Variants in PES1 observed in about 807,000 individuals in gnomAD.
The protein encoded by PES1 is pescadillo homolog.
PES1 carries 31 observed loss-of-function variants against 77.1 expected under a neutral mutation model. The ratio of observed to expected loss-of-function variants is 0.40; its 90% CI spans 0.30 to 0.54. The LOEUF (loss-of-function observed/expected upper bound fraction) is 0.54, where lower values mean the gene tolerates loss of function less well. PES1 is among the 20% of genes least tolerant of loss of function. PES1 has a pLI of 0.45. For missense variants in PES1, 658 were observed against 771.7 expected (o/e 0.85, Z 1.75); for synonymous variants, 282 against 303.0 (o/e 0.93, Z 0.72).
At chr22:30,598,807 C>G (rs1338080705) in intron 2 of PES1, among the ~76,000 whole-genome samples, 1 of 149,378 alleles carries the variant, frequency 6.7e-6, no homozygotes, top group African/African-American at 2.5e-5. Context: ...CTACATGGTA[C>G]CAAGTTGACT....
chr22:30,587,915 T>C (rs1270298710), intron 3 of PES1, 106 bp downstream of exon 3: 2 of 1,150,750 alleles, frequency 1.7e-6, no homozygotes, highest in Non-Finnish European at 1.3e-6. Flanking sequence ...CTGCCCTCTG[T>C]ATAGGCTTAC....
intron 9 of PES1, 125 bp from the exon 10 acceptor site, chr22:30,580,826 C>CCAAG: frequency 7.0e-7 from 1 of 1,432,868 alleles, no homozygotes; most frequent in Non-Finnish European, 9.6e-7. Context: ...AAAGGAAACT[C>CCAAG]CAAGGCCCCA....
chr22:30,597,790 A>G (rs2087278774), intron 2 of PES1, among the ~76,000 whole-genome samples: 1 of 151,648 alleles, frequency 6.6e-6, no homozygotes, highest in African/African-American at 2.4e-5. Context: ...AATCAGCAGT[A>G]TGTGGGTGGG....
intron 8 of PES1, 37 bp from the exon 9 acceptor site, chr22:30,581,138 CT>C (rs2086979894): frequency 1.3e-6 from 2 of 1,540,572 alleles, no homozygotes; most frequent in Non-Finnish European, 1.8e-6. Context: ...AGTGGGGGAC[CT>C]CATGCGGGCA....
intron 1 of PES1, among the ~76,000 whole-genome samples, chr22:30,591,255 G>C (rs1353939711): frequency 6.6e-6 from 1 of 152,060 alleles, no homozygotes; most frequent in Admixed American, 6.6e-5. Flanking sequence ...TTCTTTTCTT[G>C]GTTTACATGC....
At chr22:30,594,467 C>T (rs544596343), upstream of PES1, among the ~76,000 whole-genome samples, 4 of 152,086 alleles carry the variant, frequency 2.6e-5, no homozygotes, top group African/African-American at 7.2e-5. Context: ...TTGCAATGAG[C>T]CAAAATTGTG....
chr22:30,594,542 G>A (rs996995077), upstream of PES1, among the ~76,000 whole-genome samples: 1 of 151,922 alleles, frequency 6.6e-6, no homozygotes, highest in African/African-American at 2.4e-5. Context: ...AGCTTGGCAC[G>A]GTGCCTCACA....
rs1294567529 is a variant in PES1, at chr22:30,581,339, T to C, written c.817A>G (p.Met273Val). 3 of 1,613,710 alleles carry C rather than the reference T, an allele frequency of 1.9e-6. No homozygotes were observed. Among genetic ancestry groups the C allele is most frequent in the South Asian group, 1.1e-5 (1 of 91,070 alleles). ...ATGCTCCTGGAGCCTCTCACCTCCA[T>C]ACAACTCTCGGAGTCCAACGCGTAG... ...GTYALDSESC[M>V]EKLAALSASL... The change falls in exon 8 of 15, where the codon ATG (methionine) becomes GTG (valine). Residue 273 changes from methionine (M) to valine (V), a missense_variant. By Grantham distance (21) the Met-to-Val change is conservative. Coordinates refer to ENST00000354694, the MANE Select transcript of PES1 (RefSeq NM_014303.4).
chr22:30,601,534 A>C (rs2087354460), intron 2 of PES1, among the ~76,000 whole-genome samples: 1 of 92,774 alleles, frequency 1.1e-5, no homozygotes, highest in Non-Finnish European at 2.3e-5. Flanking sequence ...GCTAGTCTCA[A>C]ACTCTTGCCC....
chr22:30,601,045 C>T (rs2087347370), intron 2 of PES1, among the ~76,000 whole-genome samples: 2 of 152,174 alleles, frequency 1.3e-5, no homozygotes, highest in Non-Finnish European at 2.9e-5. Flanking sequence ...CTCAGTACTC[C>T]AGCTCAAGTG....
Position 30,589,223 on chromosome 22 carries a change from C to T in PES1, c.72G>A (p.Arg24=), listed in dbSNP as rs779736420. The change falls in exon 2 of 15, where the codon CGG becomes CGA. Residue 24 remains arginine, a synonymous_variant. Coordinates refer to ENST00000354694, the MANE Select transcript of PES1 (RefSeq NM_014303.4). ...CAGCCAAGCTCAGCTGGAGCTTCTT[C>T]CGGGCTTTGTTCCGGGTGATGTAGT... The part of the protein sequence containing the change: ...ATNYITRNKA[R]KKLQLSLADF... The T allele has an allele frequency of 1.9e-5, 30 of 1,613,946 alleles. No individual in the cohort carries two copies. Among genetic ancestry groups the T allele is most frequent in the Non-Finnish European group, 2.4e-5 (28 of 1,179,980 alleles).
chr22:30,582,847 G>A (rs1804104085), intron 6 of PES1, among the ~76,000 whole-genome samples: 1 of 152,206 alleles, frequency 6.6e-6, no homozygotes, highest in Admixed American at 6.5e-5. Context: ...GCACTGAGCA[G>A]GGAGACCCCG....
At chr22:30,587,547 G>C in intron 3 of PES1, 152 bp from the exon 4 acceptor site, 1 of 636,492 alleles carries the variant, frequency 1.6e-6, no homozygotes, top group Non-Finnish European at 2.7e-6. Context: ...CTCTGCCCAG[G>C]ATGAGCAAAA....
Position 30,591,899 on chromosome 22 carries a change from C to A in PES1, c.-66G>T. On this transcript the variant is annotated 5_prime_UTR_variant, in exon 1 of 15. Coordinates refer to ENST00000354694, the MANE Select transcript of PES1 (RefSeq NM_014303.4). Reference sequence around the variant, plus strand: ...GAGCTCCACTTCCTCCCGCACGTGCCCTGCCAAGGACCCCGAGGACCCTCC... The same window carrying A: ...GAGCTCCACTTCCTCCCGCACGTGCACTGCCAAGGACCCCGAGGACCCTCC... 6.6e-7 allele frequency: 1 copy of A among 1,523,748 alleles called. No homozygotes were observed. The highest frequency in any genetic ancestry group is 8.8e-7 in the Non-Finnish European group (1 of 1,138,136). 94.4% of individuals were successfully genotyped at this position (1,523,748 alleles called of 1,614,324 possible).
chr22:30,590,725 C>T (rs2087163347), intron 1 of PES1, among the ~76,000 whole-genome samples: 1 of 152,140 alleles, frequency 6.6e-6, no homozygotes, highest in Admixed American at 6.5e-5. Flanking sequence ...CTGGGTGCTA[C>T]TGGTATCCAG....
upstream of PES1, chr22:30,591,924 C>A (rs372766324): frequency 8.1e-6 from 12 of 1,483,036 alleles, no homozygotes; most frequent in African/African-American, 1.5e-4. Flanking sequence ...GAGGACCCTC[C>A]CCACCCCACG....
At chr22:30,602,484 C>T (rs909829510) in intron 2 of PES1, among the ~76,000 whole-genome samples, 10 of 149,180 alleles carry the variant, frequency 6.7e-5, no homozygotes, top group African/African-American at 1.2e-4. Flanking sequence ...GGCCTCCCAA[C>T]GTGCTGCGAT....
At chr22:30,594,663 C>T (rs149175693), upstream of PES1, among the ~76,000 whole-genome samples, 495 of 144,224 alleles carry the variant, frequency 3.4e-3, 1 homozygote, top group African/African-American at 0.012. Flanking sequence ...AACTGTGCCC[C>T]GCCTTAAAAA....
chr22:30,603,391 T>G (rs1377562953), intron 2 of PES1, among the ~76,000 whole-genome samples: 1 of 151,972 alleles, frequency 6.6e-6, no homozygotes, highest in Non-Finnish European at 1.5e-5. Flanking sequence ...TTTTGTTTTT[T>G]GTTTCTCCGA....
Sources: gnomAD v4.1 joint callset for allele counts (sites outside exome capture counted in the v4.1 genomes callset) on GRCh38, gnomAD v4.1.1 for gene constraint, MANE v1.5 for transcripts, NCBI Gene and HGNC (gene_info 2026-07-23, HGNC 2026-07-21) for gene names.